The following THTPA variants were observed in gnomAD, a reference collection of about 807,000 sequenced individuals.
THTPA encodes the protein thiamine triphosphatase.
In THTPA, 16 loss-of-function variants were observed where a neutral mutation model predicts 16.5. The observed-to-expected ratio is 0.97, with a 90% CI of 0.66 to 1.47. The LOEUF is 1.47. THTPA is among the 40% of genes most tolerant of loss of function. The pLI is 0.00. For missense variants in THTPA, 281 were observed against 280.9 expected (o/e 1.00, Z 0.00); for synonymous variants, 110 against 115.5 (o/e 0.95, Z 0.30).
the THTPA span, chr14:23,524,615 A>G: frequency 9.9e-5 from 152 of 1,536,210 alleles, no homozygotes; most frequent in Non-Finnish European, 1.3e-4. The surrounding 1 kb of genome is among the most constrained non-coding windows in gnomAD (Gnocchi z 5.6). Context: ...GGAGAAAGAA[A>G]TGGCACACTG....
chr14:23,525,743 G>A, the THTPA span: 2 of 1,511,588 alleles, frequency 1.3e-6, no homozygotes, highest in Non-Finnish European at 1.8e-6. The surrounding 1 kb of genome is among the most constrained non-coding windows in gnomAD (Gnocchi z 5.9). Flanking sequence ...AGCCTTGGGA[G>A]GTTGGGGTGG....
the THTPA span, chr14:23,526,517 G>A: frequency 1.3e-6 from 2 of 1,535,914 alleles, no homozygotes; most frequent in Non-Finnish European, 8.7e-7. Flanking sequence ...GGTGGGCGGA[G>A]GAGCTACGTC....
the THTPA span, chr14:23,529,564 C>G: frequency 6.0e-6 from 5 of 827,918 alleles, no homozygotes; most frequent in Non-Finnish European, 9.6e-6. Flanking sequence ...ACATGTGGAA[C>G]TGGATCTGGG....
chr14:23,512,054 C>T, the THTPA span, among the ~76,000 whole-genome samples: 1 of 152,128 alleles, frequency 6.6e-6, no homozygotes, highest in African/African-American at 2.4e-5. Context: ...TCCCCCATCC[C>T]AATCTCTACT....
At chr14:23,515,556 G>T in the THTPA span, among the ~76,000 whole-genome samples, 1 of 152,214 alleles carries the variant, frequency 6.6e-6, no homozygotes, top group South Asian at 2.1e-4. Flanking sequence ...AGCATCTGTG[G>T]TGATACAGAC....
chr14:23,537,834 A>G, the THTPA span, among the ~76,000 whole-genome samples: 3 of 152,194 alleles, frequency 2.0e-5, no homozygotes, highest in African/African-American at 7.2e-5. Flanking sequence ...CGTCACCCAC[A>G]GGGTGGGCCA....
the THTPA span, chr14:23,534,468 C>T: frequency 1.3e-6 from 2 of 1,536,314 alleles, no homozygotes; most frequent in South Asian, 1.2e-5. This position sits in a 1 kb window ranked among gnomAD's most constrained non-coding sequence, Gnocchi z 4.5. Flanking sequence ...TTATGAGGGC[C>T]TTGCAGCCTT....
the THTPA span, chr14:23,534,360 C>T: frequency 6.5e-7 from 1 of 1,536,722 alleles, no homozygotes; most frequent in Admixed American, 2.0e-5. The surrounding 1 kb of genome is among the most constrained non-coding windows in gnomAD (Gnocchi z 4.5). Flanking sequence ...GGGGGCCATC[C>T]TCTGTCTGGG....
chr14:23,555,387 G>A (rs1190065052), upstream of THTPA, among the ~76,000 whole-genome samples: 6 of 152,132 alleles, frequency 3.9e-5, no homozygotes, highest in Non-Finnish European at 7.4e-5. Flanking sequence ...CCTCAGTCTA[G>A]CACTCAAGGC....
At chr14:23,531,430 T>G in the THTPA span, 1 of 1,353,640 alleles carries the variant, frequency 7.4e-7, no homozygotes, top group South Asian at 1.9e-5. Context: ...GCTCCCCACA[T>G]CCTGCTGCCC....
At chr14:23,551,506 G>C (rs961824737), upstream of THTPA, 3 of 146,328 alleles carry the variant, frequency 2.1e-5, no homozygotes, top group Non-Finnish European at 4.5e-5. The surrounding 1 kb of genome is among the most constrained non-coding windows in gnomAD (Gnocchi z 5.3). Context: ...CGTCAGGGAC[G>C]GAGACGGAAA....
the THTPA span, chr14:23,533,253 GGA>G: frequency 9.0e-7 from 1 of 1,106,060 alleles, no homozygotes; most frequent in Non-Finnish European, 1.2e-6. The surrounding 1 kb of genome is among the most constrained non-coding windows in gnomAD (Gnocchi z 4.8). Flanking sequence ...GCCCTGGGGA[GGA>G]GAGAAGAGGG....
chr14:23,530,185 G>A, the THTPA span: 1 of 1,535,446 alleles, frequency 6.5e-7, no homozygotes, highest in East Asian at 2.4e-5. Flanking sequence ...GGGGGTGACA[G>A]GAGCCTTCCC....
At chr14:23,538,099 T>C in the THTPA span, 1 of 152,278 alleles carries the variant, frequency 6.6e-6, no homozygotes, top group Non-Finnish European at 1.5e-5. Context: ...CTCAAAAACA[T>C]CTATTTCCTA....
the THTPA span, chr14:23,533,409 G>A: frequency 6.6e-7 from 1 of 1,503,950 alleles, no homozygotes; most frequent in Non-Finnish European, 8.9e-7. The surrounding 1 kb of genome is among the most constrained non-coding windows in gnomAD (Gnocchi z 4.8). Flanking sequence ...GCTGCCCTAG[G>A]GCCTGGGGCC....
the THTPA span, among the ~76,000 whole-genome samples, chr14:23,546,578 G>A: frequency 6.6e-6 from 1 of 152,066 alleles, no homozygotes; most frequent in South Asian, 2.1e-4. This position sits in a 1 kb window ranked among gnomAD's most constrained non-coding sequence, Gnocchi z 4.7. Flanking sequence ...GGGGCTGGAA[G>A]TTACTTCTAA....
chr14:23,558,910 T>C lies in THTPA; in HGVS notation c.*70T>C. The C allele has an allele frequency of 1.3e-6, 2 of 1,579,978 alleles. No individual in the cohort carries two copies. Among genetic ancestry groups the C allele is most frequent in the Non-Finnish European group, 1.7e-6 (2 of 1,158,992 alleles). On this transcript the variant is annotated 3_prime_UTR_variant, in exon 2 of 2. Transcript: ENST00000288014. Reference sequence around the variant, plus strand: ...AGTCCACTCCTGGGCCCACTGTGCCTCTCCCCTCAGTGTCCCTTCTGACAG... The same window carrying C: ...AGTCCACTCCTGGGCCCACTGTGCCCCTCCCCTCAGTGTCCCTTCTGACAG...
chr14:23,535,108 A>G, the THTPA span: 1 of 1,536,086 alleles, frequency 6.5e-7, no homozygotes, highest in East Asian at 2.4e-5. This position sits in a 1 kb window ranked among gnomAD's most constrained non-coding sequence, Gnocchi z 4.5. Flanking sequence ...GGGCTCCCCA[A>G]TCTCCTTTGG....
At chr14:23,556,020 C>T (rs1266255932), upstream of THTPA, 1 of 152,306 alleles carries the variant, frequency 6.6e-6, no homozygotes, top group Non-Finnish European at 1.5e-5. Flanking sequence ...GTGCCTGGCT[C>T]AGCCTCAGGC....
Sources: allele counts gnomAD v4.1 joint callset (sites outside exome capture counted in the v4.1 genomes callset), GRCh38; gene constraint gnomAD v4.1.1; non-coding constraint Gnocchi (gnomAD v3.1); transcripts MANE v1.5; gene names NCBI Gene and HGNC (gene_info 2026-07-23, HGNC 2026-07-21).